Variants in CDH22 observed in about 807,000 individuals in gnomAD.
The protein encoded by CDH22 is cadherin-22.
CDH22 carries 30 observed loss-of-function variants against 58.4 expected under a neutral mutation model. The ratio of observed to expected loss-of-function variants is 0.51; its 90% CI spans 0.38 to 0.70. The LOEUF is 0.70. Ranked by LOEUF, CDH22 falls within the 30% of genes least tolerant of loss-of-function variation. The probability of loss-of-function intolerance (pLI) is 0.00; values close to 1 mark genes in which losing one functional copy is unlikely to be tolerated. For synonymous variants in CDH22, 513 were observed against 558.2 expected (o/e 0.92, Z 1.14); for missense variants, 1,014 against 1,233.9 (o/e 0.82, Z 2.67).
intron 2 of CDH22, among the ~76,000 whole-genome samples, chr20:46,245,985 G>A (rs576291688): frequency 5.3e-5 from 8 of 152,276 alleles, no homozygotes; most frequent in African/African-American, 1.9e-4. Flanking sequence ...AGTGTGGCCA[G>A]CCCTGGAGGA....
At chr20:46,182,996 A>T (rs2145650400) in intron 10 of CDH22, among the ~76,000 whole-genome samples, 1 of 151,682 alleles carries the variant, frequency 6.6e-6, no homozygotes, top group African/African-American at 2.4e-5. Context: ...GGCACTCTGG[A>T]TGGCAGCTCT....
chr20:46,206,430 G>C (rs2086002522), intron 7 of CDH22, among the ~76,000 whole-genome samples: 1 of 152,182 alleles, frequency 6.6e-6, no homozygotes, highest in Non-Finnish European at 1.5e-5. Context: ...TCTCTGTACT[G>C]TCTGCTTTCC....
intron 1 of CDH22, among the ~76,000 whole-genome samples, chr20:46,257,777 A>G (rs563217786): frequency 2.0e-4 from 31 of 152,280 alleles, no homozygotes; most frequent in Middle Eastern, 6.8e-3. Flanking sequence ...TAAAGCTGAG[A>G]CTGGGTGAGA....
At chr20:46,248,886 G>A (rs1236616802) in intron 2 of CDH22, among the ~76,000 whole-genome samples, 3 of 152,152 alleles carry the variant, frequency 2.0e-5, no homozygotes, top group Non-Finnish European at 4.4e-5. Flanking sequence ...TCTTGGCCAT[G>A]CCACTCGCCC....
At chr20:46,307,445 G>A (rs1486919604) in intron 1 of CDH22, among the ~76,000 whole-genome samples, 2 of 152,222 alleles carry the variant, frequency 1.3e-5, no homozygotes, top group African/African-American at 4.8e-5. Flanking sequence ...CCGAGGGTTA[G>A]CCCTAAGTGG....
intron 7 of CDH22, among the ~76,000 whole-genome samples, chr20:46,204,977 C>T (rs961181927): frequency 2.2e-4 from 34 of 152,058 alleles, no homozygotes; most frequent in South Asian, 6.2e-4. Context: ...GAGCAGCTGA[C>T]TGAATGATGC....
chr20:46,276,543 A>G (rs940681654), intron 1 of CDH22, among the ~76,000 whole-genome samples: 1 of 152,238 alleles, frequency 6.6e-6, no homozygotes, highest in African/African-American at 2.4e-5. Flanking sequence ...TGTGCCAGGA[A>G]GGGCTACCCG....
chr20:46,212,265 G>A (rs73908648), intron 6 of CDH22, among the ~76,000 whole-genome samples: 3,834 of 146,006 alleles, frequency 0.026, 143 homozygotes, highest in African/African-American at 0.091. Flanking sequence ...GCATTCTGTC[G>A]CTGGAGATAT....
At chr20:46,303,884 C>A (rs924154956) in intron 1 of CDH22, among the ~76,000 whole-genome samples, 2 of 152,160 alleles carry the variant, frequency 1.3e-5, no homozygotes, top group African/African-American at 4.8e-5. Flanking sequence ...AGAGAACGAT[C>A]GCTCTGGTTG....
chr20:46,303,537 T>C (rs1313148123), intron 1 of CDH22, among the ~76,000 whole-genome samples: 1 of 152,212 alleles, frequency 6.6e-6, no homozygotes, highest in Non-Finnish European at 1.5e-5. Context: ...TATGTAAATA[T>C]ATGTAAATGC....
At chr20:46,253,875 C>T (rs894939751) in intron 1 of CDH22, among the ~76,000 whole-genome samples, 7 of 152,078 alleles carry the variant, frequency 4.6e-5, no homozygotes, top group East Asian at 3.9e-4. Flanking sequence ...CTGTGGAGGT[C>T]GATGGAGTGG....
intron 5 of CDH22, among the ~76,000 whole-genome samples, chr20:46,215,973 C>T (rs969391701): frequency 1.3e-5 from 2 of 152,042 alleles, no homozygotes; most frequent in African/African-American, 4.8e-5. Flanking sequence ...TGAGCTGAGG[C>T]TGTAGGCCAC....
chr20:46,195,363 C>T (rs1256399874), intron 8 of CDH22, among the ~76,000 whole-genome samples: 1 of 152,240 alleles, frequency 6.6e-6, no homozygotes, highest in Admixed American at 6.5e-5. Context: ...AATACTCACA[C>T]AGACCCATCT....
intron 2 of CDH22, among the ~76,000 whole-genome samples, chr20:46,246,654 G>T (rs1358354438): frequency 6.6e-6 from 1 of 152,128 alleles, no homozygotes; most frequent in African/African-American, 2.4e-5. Context: ...GGCGACAACC[G>T]CGGGGCCCAG....
intron 1 of CDH22, among the ~76,000 whole-genome samples, chr20:46,262,589 A>G (rs1282191780): frequency 6.6e-6 from 1 of 152,208 alleles, no homozygotes; most frequent in South Asian, 2.1e-4. Flanking sequence ...TTCATGCTCA[A>G]TAACTCCACA....
At chr20:46,238,652 T>C (rs2086270350) in intron 3 of CDH22, among the ~76,000 whole-genome samples, 1 of 152,242 alleles carries the variant, frequency 6.6e-6, no homozygotes, top group African/African-American at 2.4e-5. Flanking sequence ...CTAACAGTCA[T>C]CCTTGAGTTT....
intron 1 of CDH22, among the ~76,000 whole-genome samples, chr20:46,282,138 T>C (rs1600726013): frequency 6.6e-6 from 1 of 152,192 alleles, no homozygotes; most frequent in African/African-American, 2.4e-5. Flanking sequence ...CATTTATTCA[T>C]TGAAAAAATA....
intron 4 of CDH22, among the ~76,000 whole-genome samples, chr20:46,222,375 C>T (rs2086132989): frequency 6.6e-6 from 1 of 152,188 alleles, no homozygotes; most frequent in African/African-American, 2.4e-5. Flanking sequence ...CCATTTGCTT[C>T]TCTGCTGGAG....
At chr20:46,250,954 G>C in intron 2 of CDH22, 86 bp downstream of exon 2, 1 of 816,944 alleles carries the variant, frequency 1.2e-6, no homozygotes, top group Middle Eastern at 3.1e-4. Flanking sequence ...GGATTTAAAA[G>C]GGCAGGTGAA....
Sources: gnomAD v4.1 joint callset for allele counts (sites outside exome capture counted in the v4.1 genomes callset) on GRCh38, gnomAD v4.1.1 for gene constraint, MANE v1.5 for transcripts, NCBI Gene and HGNC (gene_info 2026-07-23, HGNC 2026-07-21) for gene names.